The following SMCHD1 variants were observed in gnomAD, a reference collection of about 807,000 sequenced individuals.
The protein encoded by SMCHD1 is structural maintenance of chromosomes flexible hinge domain containing 1.
In SMCHD1, 78 loss-of-function variants were observed where a neutral mutation model predicts 254.7. That is an observed-to-expected ratio of 0.31 (90% confidence interval 0.26 to 0.37). The LOEUF (loss-of-function observed/expected upper bound fraction) is 0.37, where lower values mean the gene tolerates loss of function less well. Among genes scored for constraint, SMCHD1 ranks in the 10% least tolerant of loss-of-function variants. The pLI, the probability that SMCHD1 is intolerant of heterozygous loss-of-function variation, is 1.00. For synonymous variants in SMCHD1, 766 were observed against 794.9 expected (o/e 0.96, Z 0.61); for missense variants, 1,840 against 2,408.1 (o/e 0.76, Z 4.94).
At chr18:2,661,951 T>C (rs1188577279) in intron 1 of SMCHD1, among the ~76,000 whole-genome samples, 1 of 136,584 alleles carries the variant, frequency 7.3e-6, no homozygotes, top group Non-Finnish European at 1.5e-5. Context: ...GGTCAGGAGA[T>C]CGAGACCATC....
intron 20 of SMCHD1, among the ~76,000 whole-genome samples, chr18:2,723,033 G>T: frequency 6.6e-6 from 1 of 152,044 alleles, no homozygotes; most frequent in Admixed American, 6.6e-5. Context: ...TTGGATGTTG[G>T]ACCTTCTGGA....
chr18:2,683,993 TG>T (rs1156276519), intron 5 of SMCHD1, among the ~76,000 whole-genome samples: 1 of 152,190 alleles, frequency 6.6e-6, no homozygotes, highest in Non-Finnish European at 1.5e-5. Context: ...TTAGCGTCTT[TG>T]TATTATTACA....
At position 2,718,584 on chromosome 18, in the gene SMCHD1, C is replaced by A; in HGVS notation, c.2458+150C>A. The A allele has an allele frequency of 1.5e-6, 1 of 666,768 alleles. No individual in the cohort carries two copies. Among genetic ancestry groups the A allele is most frequent in the Non-Finnish European group, 2.3e-6 (1 of 432,008 alleles). The allele number at this position is 666,768 out of a possible 1,614,324, so 41.3% of individuals were successfully genotyped here. On this transcript the variant is annotated intron_variant, in intron 19 of 47. Transcript: ENST00000320876. The surrounding 1 kb of genome is among the most constrained non-coding windows in gnomAD (Gnocchi z 4.6). ...TTTCTTACTTACTTTGAGATGGGGTCTCATTCTGTCACCCAGGCTGGAGTG... is the reference window on the plus strand; with the variant it reads ...TTTCTTACTTACTTTGAGATGGGGTATCATTCTGTCACCCAGGCTGGAGTG...
chr18:2,781,214 C>T (rs993624043), intron 44 of SMCHD1, among the ~76,000 whole-genome samples: 1 of 152,330 alleles, frequency 6.6e-6, no homozygotes, highest in South Asian at 2.1e-4. Context: ...ACCTTCATCT[C>T]AACTCCAGCT....
Position 2,728,533 on chromosome 18 carries a change from G to A in SMCHD1, c.2850G>A (p.Gln950=). ...VIENGTAFPF[Q]VEVLDESDNI... is the part of the protein sequence containing the mutation. The stretch of plus-strand genomic sequence containing the variant: ...AAAATGGAACAGCTTTCCCATTTCA[G>A]GTGGAAGTTTTAGATGAATCAGACA... The change falls in exon 23 of 48, where the codon CAG becomes CAA. Residue 950 remains glutamine, a synonymous_variant. Coordinates refer to ENST00000320876, the MANE Select transcript of SMCHD1 (RefSeq NM_015295.3). 1.2e-6 allele frequency: 2 copies of A among 1,613,256 alleles called. No individual in the cohort carries two copies. The highest frequency in any genetic ancestry group is 1.3e-5 in the African/African-American group (1 of 74,992).
chr18:2,704,857 T>A (rs1385469213), intron 13 of SMCHD1, among the ~76,000 whole-genome samples: 1 of 152,068 alleles, frequency 6.6e-6, no homozygotes, highest in Non-Finnish European at 1.5e-5. Context: ...GTAAAAGGAT[T>A]GAGCCTGGAG....
chr18:2,696,398 C>T (rs2074286161), intron 8 of SMCHD1, among the ~76,000 whole-genome samples: 1 of 152,158 alleles, frequency 6.6e-6, no homozygotes, highest in African/African-American at 2.4e-5. Flanking sequence ...CTAGATTTCT[C>T]ATAGGAGCAC....
intron 41 of SMCHD1, among the ~76,000 whole-genome samples, chr18:2,773,137 A>G (rs2076011485): frequency 3.9e-5 from 6 of 152,214 alleles, no homozygotes; most frequent in Middle Eastern, 3.2e-3. Context: ...ACGTGTAGCA[A>G]TGTGTATGAC....
intron 17 of SMCHD1, among the ~76,000 whole-genome samples, chr18:2,711,703 C>CG (rs2074677928): frequency 6.6e-6 from 1 of 151,576 alleles, no homozygotes; most frequent in Non-Finnish European, 1.5e-5. Flanking sequence ...GGGATGGTCT[C>CG]GATCTCCTGA....
intron 5 of SMCHD1, among the ~76,000 whole-genome samples, chr18:2,675,462 A>G (rs2073724495): frequency 6.6e-6 from 1 of 151,856 alleles, no homozygotes; most frequent in African/African-American, 2.4e-5. Context: ...ATGGGGTTTC[A>G]CCATGTTGGC....
intron 5 of SMCHD1, among the ~76,000 whole-genome samples, chr18:2,683,925 G>A (rs1346779489): frequency 6.6e-6 from 1 of 151,730 alleles, no homozygotes; most frequent in African/African-American, 2.4e-5. Context: ...TATGAAATGG[G>A]TTTCTTATAG....
chr18:2,671,627 G>A (rs1035397513), intron 3 of SMCHD1, among the ~76,000 whole-genome samples: 2 of 134,190 alleles, frequency 1.5e-5, no homozygotes, highest in Non-Finnish European at 3.1e-5. Flanking sequence ...ACAGAGTCTC[G>A]CTCTGTCGCC....
chr18:2,700,420 A>G (rs2074375561), intron 10 of SMCHD1, 119 bp from the exon 11 acceptor site: 1 of 1,090,664 alleles, frequency 9.2e-7, no homozygotes, highest in Non-Finnish European at 1.3e-6. Flanking sequence ...TTTGTGGGCA[A>G]ACAGTATAAA....
intron 5 of SMCHD1, among the ~76,000 whole-genome samples, chr18:2,675,382 A>G (rs2073720754): frequency 6.7e-6 from 1 of 149,410 alleles, no homozygotes; most frequent in African/African-American, 2.5e-5. Context: ...CTTCTGCCTC[A>G]GCCTCCCGAG....
chr18:2,662,939 T>C (rs1474796845), intron 1 of SMCHD1, among the ~76,000 whole-genome samples: 1 of 152,202 alleles, frequency 6.6e-6, no homozygotes, highest in African/African-American at 2.4e-5. Flanking sequence ...TTCAGTCATA[T>C]CAGCAGTGTG....
intron 31 of SMCHD1, 48 bp from the exon 32 acceptor site, chr18:2,750,302 G>C: frequency 6.5e-7 from 1 of 1,550,054 alleles, no homozygotes; most frequent in Non-Finnish European, 8.7e-7. Flanking sequence ...GAATTTTTAG[G>C]TTATTAACTA....
At chr18:2,738,006 C>A (rs1053922833) in intron 25 of SMCHD1, among the ~76,000 whole-genome samples, 1 of 152,128 alleles carries the variant, frequency 6.6e-6, no homozygotes, top group Non-Finnish European at 1.5e-5. Flanking sequence ...ATAACGTCCA[C>A]CTAGATCTCA....
intron 7 of SMCHD1, among the ~76,000 whole-genome samples, chr18:2,692,047 G>A (rs891898480): frequency 2.8e-4 from 42 of 152,212 alleles, no homozygotes; most frequent in African/African-American, 9.9e-4. Context: ...ATTTTGGCTG[G>A]TACATCTAAT....
At chr18:2,746,765 C>T (rs989534990) in intron 29 of SMCHD1, among the ~76,000 whole-genome samples, 1 of 152,074 alleles carries the variant, frequency 6.6e-6, no homozygotes, top group East Asian at 1.9e-4. Flanking sequence ...TCCTTTAGTT[C>T]CCTTCCATCT....
Sources: allele counts gnomAD v4.1 joint callset (sites outside exome capture counted in the v4.1 genomes callset), GRCh38; gene constraint gnomAD v4.1.1; non-coding constraint Gnocchi (gnomAD v3.1); transcripts MANE v1.5; gene names NCBI Gene and HGNC (gene_info 2026-07-23, HGNC 2026-07-21).